Variants in INPP5E observed in about 807,000 individuals in gnomAD.
The protein encoded by INPP5E is phosphatidylinositol polyphosphate 5-phosphatase type IV.
A neutral mutation model predicts 50.5 loss-of-function variants in INPP5E; 34 were observed. The ratio of observed to expected loss-of-function variants is 0.67; its 90% confidence interval spans 0.51 to 0.90. The LOEUF (loss-of-function observed/expected upper bound fraction) is 0.90. INPP5E is among the 40% of genes least tolerant of loss of function. The probability of loss-of-function intolerance (pLI) is 0.00; values close to 1 mark genes in which losing one functional copy is unlikely to be tolerated. For missense variants in INPP5E, 942 were observed against 905.5 expected, an observed-to-expected ratio of 1.04 and a Z score of -0.52; for synonymous variants, 447 against 406.0, an observed-to-expected ratio of 1.10 and a Z score of -1.21.
At position 136,433,147 on chromosome 9, in the gene INPP5E, G is replaced by GTGCCCACCCCTCCAGCCA; in HGVS notation, c.1159+7_1159+8insTGGCTGGAGGGGTGGGCA. The GTGCCCACCCCTCCAGCCA allele has an allele frequency of 6.3e-7, 1 of 1,599,660 alleles. No homozygotes were observed. On this transcript the variant is annotated splice_region_variant and intron_variant, in intron 4 of 9. Transcript: ENST00000371712. Reference sequence around the variant, plus strand: ...TCCAGCCGCGCCCACCCCTCCAGCCGCGCCCACCTGAGCAGAACCAGATGA... The same window carrying GTGCCCACCCCTCCAGCCA: ...TCCAGCCGCGCCCACCCCTCCAGCCGTGCCCACCCCTCCAGCCACGCCCACCTGAGCAGAACCAGATGA...
intron 9 of INPP5E, among the ~76,000 whole-genome samples, 200 bp downstream of exon 9, chr9:136,430,077 T>C (rs1835663912): frequency 6.6e-6 from 1 of 151,982 alleles, no homozygotes; most frequent in African/African-American, 2.4e-5. Flanking sequence ...CAGCTGGGCC[T>C]CTCTTCACTT....
chr9:136,433,403 T>C (rs1298191790), intron 3 of INPP5E, 124 bp from the exon 4 acceptor site: 3 of 1,385,184 alleles, frequency 2.2e-6, no homozygotes, highest in East Asian at 2.5e-5. Context: ...CTTGGTGTCT[T>C]GCGCGGAGAA....
Position 136,429,499 on chromosome 9 carries a change from T to C in INPP5E, c.*176A>G. On this transcript the variant is annotated 3_prime_UTR_variant, in exon 10 of 10. Coordinates refer to ENST00000371712, the MANE Select transcript of INPP5E (RefSeq NM_019892.6). ...CCTGCCCACCCACACCGTGTGGACC[T>C]GCCACAGAGGACAGGCTCGCTCAGG... 1 of 828,650 alleles carries C rather than the reference T, an allele frequency of 1.2e-6. No homozygotes were observed. Among genetic ancestry groups the C allele is most frequent in the South Asian group, 1.4e-5 (1 of 71,494 alleles). 51.3% of individuals were successfully genotyped at this position (828,650 alleles called of 1,614,324 possible). A position where few individuals can be genotyped will look rare whatever the true frequency, so the allele number is the denominator to read the frequency against.
chr9:136,434,179 G>A, intron 2 of INPP5E, 45 bp from the exon 3 acceptor site: 4 of 1,381,284 alleles, frequency 2.9e-6, no homozygotes, highest in Non-Finnish European at 2.0e-6. Flanking sequence ...CCCGAAACCT[G>A]CAGGCGCCTG....
chr9:136,434,991 C>T, intron 1 of INPP5E, 128 bp from the exon 2 acceptor site: 1 of 1,148,848 alleles, frequency 8.7e-7, no homozygotes, highest in Non-Finnish European at 1.3e-6. Context: ...CAAGCAAGGA[C>T]TCTCCTGGCC....
At position 136,434,748 on chromosome 9, in the gene INPP5E, C is replaced by A; in HGVS notation, c.928G>T (p.Gly310Cys). ...CACCCACAGCCACTCACCTTCTGGC[C>A]CTGCATGTTCCAGGTGGCCACGAAG... ...ALFVATWNMQGQKELPPSLDE... is the reference protein window; with the variant it reads ...ALFVATWNMQCQKELPPSLDE... The change falls in exon 2 of 10, where the codon GGC becomes TGC. Residue 310 changes from glycine to cysteine, a missense_variant. Physicochemically the swap from Gly to Cys is radical, Grantham distance 159 (BLOSUM62 -3). Transcript: ENST00000371712. 6.2e-7 allele frequency: 1 copy of A among 1,611,102 alleles called. No individual in the cohort carries two copies. The highest frequency in any genetic ancestry group is 8.5e-7 in the Non-Finnish European group (1 of 1,179,518).
At chr9:136,430,490 T>C in intron 8 of INPP5E, 77 bp from the exon 9 acceptor site, 1 of 1,516,958 alleles carries the variant, frequency 6.6e-7, no homozygotes, top group South Asian at 1.2e-5. Flanking sequence ...ACCTCCCTGC[T>C]GTTCTCAAGC....
intron 1 of INPP5E, 75 bp downstream of exon 1, chr9:136,438,533 G>T: frequency 7.8e-7 from 1 of 1,282,242 alleles, no homozygotes. Context: ...GATGGGAACG[G>T]TCTCACGAGG....
Position 136,431,901 on chromosome 9 carries a change from G to T in INPP5E, c.1472C>A (p.Ala491Asp). ...CACCACCAGGCCCTGGCACAGGAGG[G>T]CGTCCACGACTGTGCGCCCGCCACT... ...RLSGGRTVVD[A>D]LLCQGLVVDV... Residue 491 changes from alanine (A) to aspartate (D), a missense_variant, in exon 7 of 10, where the codon GCC becomes GAC. Ala to Asp is a moderately radical substitution (Grantham distance 126). Transcript: ENST00000371712. 13 of 1,610,912 alleles carry T rather than the reference G, an allele frequency of 8.1e-6. No individual in the cohort carries two copies. The highest frequency in any genetic ancestry group is 1.1e-5 in the Non-Finnish European group (13 of 1,179,512).
Position 136,434,952 on chromosome 9 carries a change from C to A in INPP5E, c.813-89G>T, listed in dbSNP as rs1835798240. 2.0e-6 allele frequency: 3 copies of A among 1,485,738 alleles called. No homozygotes were observed. The Admixed American group carries it at 5.9e-5, about 29-fold the overall frequency. The allele number at this position is 1,485,738 out of a possible 1,614,324, so 92.0% of individuals were successfully genotyped here. ...GGTCCCCAGGGACAATAGCAAAACC[C>A]ATGGAATGTCAGGAGCTGCCCCCAG... On this transcript the variant is annotated intron_variant, in intron 1 of 9. Coordinates refer to ENST00000371712, the MANE Select transcript of INPP5E (RefSeq NM_019892.6).
At position 136,439,255 on chromosome 9, in the gene INPP5E, C is replaced by T. The variant is rs1369413183; in HGVS notation, c.165G>A (p.Pro55=). ...GCGGGTCCTCGCCGCTGGGCGTGGC[C>T]GGAGTGCTGCAGGCAAGCGCGGGGC... is the stretch of plus-strand genomic sequence containing the variant. ...SESPALACST[P]ATPSGEDPPA... is the part of the protein sequence containing the mutation. The change falls in exon 1 of 10, where the codon CCG becomes CCA. Residue 55 remains proline (P), a synonymous_variant. Transcript: ENST00000371712. 4 of 1,509,122 alleles carry T rather than the reference C, an allele frequency of 2.7e-6. No homozygotes were observed. The East Asian group carries it at 7.6e-5, about 29-fold the overall frequency. 93.5% of individuals were successfully genotyped at this position (1,509,122 alleles called of 1,614,324 possible).
Position 136,432,537 on chromosome 9 carries a change from T to A in INPP5E, c.1329A>T (p.Val443=). ...AERLLDYTRT[V]QALVLPRNVP... ...CATTTCTGGGCAGGACCAGGGCTTG[T>A]ACAGTCCTGGTGTAGTCCAGCAGCC... The change falls in exon 6 of 10, where the codon GTA becomes GTT. Residue 443 remains valine, a synonymous_variant. Coordinates refer to ENST00000371712, the MANE Select transcript of INPP5E (RefSeq NM_019892.6). The A allele has an allele frequency of 6.4e-7, 1 of 1,551,314 alleles. No individual in the cohort carries two copies. Among genetic ancestry groups the A allele is most frequent in the East Asian group, 2.4e-5 (1 of 41,184 alleles).
At chr9:136,430,738 C>T (rs568105714) in intron 8 of INPP5E, among the ~76,000 whole-genome samples, 46 of 152,274 alleles carry the variant, frequency 3.0e-4, no homozygotes, top group African/African-American at 9.4e-4. Flanking sequence ...GAGGGTGCAA[C>T]GGGCAGAGGG....
intron 5 of INPP5E, 31 bp from the exon 6 acceptor site, chr9:136,432,617 A>G (rs1835735546): frequency 3.6e-6 from 5 of 1,378,340 alleles, no homozygotes; most frequent in Non-Finnish European, 3.0e-6. Flanking sequence ...TAGGGACCAC[A>G]GGGTTCCGGA....
rs1298901609 is a variant in INPP5E, at chr9:136,434,845, G to A, written c.831C>T (p.Ser277=). 1 of 1,609,850 alleles carries A rather than the reference G, an allele frequency of 6.2e-7. No homozygotes were observed. The stretch of plus-strand genomic sequence containing the variant: ...CCAACAGGGCCCCGCTGGCCAGGAG[G>A]CTGCCCTCCAGGTAACTCCTGTGAC... ...DVRSRSYLEG[S]LLASGALLGA... The change falls in exon 2 of 10, where the codon AGC becomes AGT. Residue 277 remains serine (S), a synonymous_variant. Transcript: ENST00000371712.
intron 5 of INPP5E, 46 bp from the exon 6 acceptor site, chr9:136,432,632 C>A: frequency 7.8e-7 from 1 of 1,287,888 alleles, no homozygotes; most frequent in Non-Finnish European, 1.1e-6. Flanking sequence ...TCCGGATGCT[C>A]GAGTCTCCCT....
At chr9:136,434,659 A>C in intron 2 of INPP5E, 81 bp downstream of exon 2, 13 of 1,527,792 alleles carry the variant, frequency 8.5e-6, no homozygotes, top group East Asian at 2.4e-5. Context: ...GATGAGGCAC[A>C]GAGCTGCCCC....
chr9:136,433,996 C>A (rs981680301), intron 3 of INPP5E, 41 bp downstream of exon 3: 13 of 1,496,570 alleles, frequency 8.7e-6, no homozygotes, highest in Non-Finnish European at 1.2e-5. Flanking sequence ...TCAGAGACGG[C>A]AGCCCCTGGG....
intron 1 of INPP5E, among the ~76,000 whole-genome samples, chr9:136,435,173 C>G (rs1835803315): frequency 6.6e-6 from 1 of 152,176 alleles, no homozygotes; most frequent in South Asian, 2.1e-4. Flanking sequence ...AGCTCCCAAA[C>G]TATAAGCCAA....
Sources: allele counts gnomAD v4.1 joint callset (sites outside exome capture counted in the v4.1 genomes callset), GRCh38; gene constraint gnomAD v4.1.1; transcripts MANE v1.5; gene names NCBI Gene and HGNC (gene_info 2026-07-23, HGNC 2026-07-21).